BIRC2: variants seen among roughly 807,000 people sequenced by gnomAD.
The protein encoded by BIRC2 is baculoviral IAP repeat-containing protein 2.
A neutral mutation model predicts 60.9 loss-of-function variants in BIRC2; 18 were observed. The ratio of observed to expected loss-of-function variants is 0.30; its 90% CI spans 0.20 to 0.44. The LOEUF (loss-of-function observed/expected upper bound fraction) is 0.44. Ranked by LOEUF, BIRC2 falls within the 20% of genes least tolerant of loss-of-function variation. The pLI is 1.00. For synonymous variants in BIRC2, 282 were observed against 247.7 expected (o/e 1.14, Z -1.30); for missense variants, 701 against 728.5 (o/e 0.96, Z 0.43).
chr11:102,375,287 G>A (rs1462061599), intron 6 of BIRC2, among the ~76,000 whole-genome samples: 2 of 152,202 alleles, frequency 1.3e-5, no homozygotes, highest in African/African-American at 4.8e-5. Flanking sequence ...ACTAGCTGGC[G>A]AGACTAGTGT....
chr11:102,351,455 A>C (rs1192122083), intron 3 of BIRC2, among the ~76,000 whole-genome samples: 1 of 151,978 alleles, frequency 6.6e-6, no homozygotes, highest in African/African-American at 2.4e-5. Flanking sequence ...TATGTACTAA[A>C]AATACAAAAA....
intron 6 of BIRC2, among the ~76,000 whole-genome samples, chr11:102,376,936 T>C (rs1379799507): frequency 6.6e-6 from 1 of 152,062 alleles, no homozygotes; most frequent in Non-Finnish European, 1.5e-5. Flanking sequence ...CTGTTTTGAC[T>C]TGGCAACTCA....
chr11:102,366,159 C>G (rs1030276665), intron 5 of BIRC2, among the ~76,000 whole-genome samples: 1 of 152,142 alleles, frequency 6.6e-6, no homozygotes, highest in East Asian at 1.9e-4. Flanking sequence ...AATTTTCTTC[C>G]CCATTCTTCA....
At chr11:102,360,792 T>C (rs1189891584) in intron 3 of BIRC2, among the ~76,000 whole-genome samples, 2 of 151,432 alleles carry the variant, frequency 1.3e-5, no homozygotes, top group African/African-American at 4.8e-5. Flanking sequence ...TTGTTTTTTT[T>C]TTTGTGGGCA....
chr11:102,370,120 G>A (rs1159345457), intron 6 of BIRC2, among the ~76,000 whole-genome samples: 2 of 150,016 alleles, frequency 1.3e-5, no homozygotes, highest in African/African-American at 2.4e-5. Context: ...TAGGTTGCCT[G>A]TTCACTCTGA....
intron 5 of BIRC2, among the ~76,000 whole-genome samples, chr11:102,367,150 C>A (rs1047733236): frequency 2.6e-5 from 4 of 152,192 alleles, no homozygotes; most frequent in Non-Finnish European, 5.9e-5. Context: ...TGCTTACATA[C>A]AGTTCTGTTT....
chr11:102,374,942 G>T (rs1951689992), intron 6 of BIRC2, among the ~76,000 whole-genome samples: 1 of 152,190 alleles, frequency 6.6e-6, no homozygotes, highest in Non-Finnish European at 1.5e-5. Context: ...AGGTGCGTCC[G>T]TTACCCCTTT....
rs1951393013 is a variant in BIRC2 at position 102,354,073 on chromosome 11, A to G, written c.995+3130A>G. On this transcript the variant is annotated intron_variant, in intron 3 of 8. Coordinates refer to ENST00000227758, the MANE Select transcript of BIRC2 (RefSeq NM_001166.5). ...CAAATGTGATCTGCATTTGGTTGAGAAAAATCTGGGTGTAAATGGACATGT... is the reference window on the plus strand; with the variant it reads ...CAAATGTGATCTGCATTTGGTTGAGGAAAATCTGGGTGTAAATGGACATGT... 2.0e-5 allele frequency among the ~76,000 whole-genome samples: 3 copies of G among 152,312 alleles called. No individual in the cohort carries two copies. In the South Asian group the frequency reaches 6.2e-4, roughly 32 times the overall value.
chr11:102,367,157 G>T (rs1951562305), intron 5 of BIRC2, among the ~76,000 whole-genome samples: 1 of 152,180 alleles, frequency 6.6e-6, no homozygotes, highest in Admixed American at 6.5e-5. Flanking sequence ...ATACAGTTCT[G>T]TTTCTAACTT....
intron 5 of BIRC2, among the ~76,000 whole-genome samples, chr11:102,364,549 C>G (rs2135815216): frequency 6.6e-6 from 1 of 152,262 alleles, no homozygotes; most frequent in East Asian, 1.9e-4. Flanking sequence ...TTAGCCACAT[C>G]TGTCAATTTA....
Position 102,350,746 on chromosome 11 carries a change from G to A in BIRC2, c.892G>A (p.Val298Met), listed in dbSNP as rs1951349856. 4 of 1,604,292 alleles carry A rather than the reference G, an allele frequency of 2.5e-6. No homozygotes were observed. In the South Asian group the frequency reaches 4.5e-5, roughly 18 times the overall value. ...EQLASAGFYY[V>M]GRNDDVKCFC... is the part of the protein sequence containing the mutation. ...GCTTGCAAGTGCTGGTTTTTATTATGTGGGTAAGAAGCAAATAACTATACA... is the reference window on the plus strand; with the variant it reads ...GCTTGCAAGTGCTGGTTTTTATTATATGGGTAAGAAGCAAATAACTATACA... The change falls in exon 2 of 9, where the codon GTG (valine) becomes ATG (methionine). Residue 298 changes from valine (V) to methionine (M), a missense_variant. Coordinates refer to ENST00000227758, the MANE Select transcript of BIRC2 (RefSeq NM_001166.5).
chr11:102,352,396 G>T (rs1353566849), intron 3 of BIRC2, among the ~76,000 whole-genome samples: 1 of 151,146 alleles, frequency 6.6e-6, no homozygotes, highest in African/African-American at 2.4e-5. Context: ...TTACAGGCGT[G>T]AGCCACCGCG....
At chr11:102,348,147 C>G (rs1386446558) in intron 1 of BIRC2, 1 of 152,208 alleles carries the variant, frequency 6.6e-6, no homozygotes, top group Non-Finnish European at 1.5e-5. Context: ...CATTTTACTG[C>G]AGTTTTCCTA....
At position 102,368,943 on chromosome 11, in the gene BIRC2, T is replaced by G. The variant is rs34975087; in HGVS notation, c.1366+395T>G. 5.6e-4 allele frequency among the ~76,000 whole-genome samples: 85 copies of G among 152,148 alleles called. 1 individual carries two copies. The highest frequency in any genetic ancestry group is 2.0e-3 in the African/African-American group (83 of 41,534). On this transcript the variant is annotated intron_variant, in intron 6 of 8. Transcript: ENST00000227758. ...TTTAAGTTTCTGCAAATCATATTTT[T>G]AATAGGATACTTTACTCCCTAATCC...
chr11:102,372,036 C>T (rs1412013137), intron 6 of BIRC2, among the ~76,000 whole-genome samples: 7 of 151,830 alleles, frequency 4.6e-5, no homozygotes, highest in South Asian at 2.1e-4. Context: ...TTTTTTATTG[C>T]GTCTATTTGA....
chr11:102,372,043 T>G (rs1468249750), intron 6 of BIRC2, among the ~76,000 whole-genome samples: 1 of 152,250 alleles, frequency 6.6e-6, no homozygotes, highest in Admixed American at 6.5e-5. Context: ...TTGCGTCTAT[T>G]TGATTCTTCT....
chr11:102,350,730 T>A lies in BIRC2; in HGVS notation c.876T>A (p.Ser292Arg). ...CAGTTCAGCCTGAGCAGCTTGCAAG[T>A]GCTGGTTTTTATTATGTGGGTAAGA... ...SVPVQPEQLA[S>R]AGFYYVGRND... is the part of the protein sequence containing the mutation. The change falls in exon 2 of 9, where the codon AGT (serine) becomes AGA (arginine). Residue 292 changes from serine (S) to arginine (R), a missense_variant. Ser to Arg is a moderately radical substitution (Grantham distance 110). This residue lies in a region of BIRC2 where 375 missense variants were observed against 365.9 expected (regional missense o/e 1.02). Transcript: ENST00000227758. 6.2e-7 allele frequency: 1 copy of A among 1,605,834 alleles called. No homozygotes were observed. The highest frequency in any genetic ancestry group is 8.5e-7 in the Non-Finnish European group (1 of 1,176,154).
At chr11:102,372,698 C>T (rs1951649312) in intron 6 of BIRC2, among the ~76,000 whole-genome samples, 1 of 136,684 alleles carries the variant, frequency 7.3e-6, no homozygotes, top group Non-Finnish European at 1.6e-5. Context: ...TGGTGCAGAG[C>T]TGAGTTCAAT....
At chr11:102,364,772 GACTGGAAAATAGGAAGGAGAGT>G (rs542174576) in intron 5 of BIRC2, among the ~76,000 whole-genome samples, 2,246 of 152,278 alleles carry the variant, frequency 0.015, 105 homozygotes, top group Admixed American at 0.099. Context: ...GGTAGTATTT[GACTGGAAAATAGGAAGGAGAGT>G]ACTGGAAAAT....
Sources: gnomAD v4.1 joint callset for allele counts (sites outside exome capture counted in the v4.1 genomes callset) on GRCh38, gnomAD v4.1.1 for gene constraint, gnomAD v4.1.1 regional missense constraint, MANE v1.5 for transcripts, NCBI Gene and HGNC (gene_info 2026-07-23, HGNC 2026-07-21) for gene names.